The following MED13L variants were observed in gnomAD, a reference collection of about 807,000 sequenced individuals.
MED13L encodes the protein mediator complex subunit 13L, also known as mediator of RNA polymerase II transcription subunit 13-like.
Under a neutral mutation model 220.9 loss-of-function variants are expected in MED13L, and 7 were observed. That is an observed-to-expected ratio of 0.03 (90% CI 0.02 to 0.06). MED13L has a LOEUF of 0.06. Among genes scored for constraint, MED13L ranks in the 10% least tolerant of loss-of-function variants. MED13L has a pLI of 1.00. For missense variants in MED13L, 1,965 were observed against 2,760.5 expected, an observed-to-expected ratio of 0.71 and a Z score of 6.46; for synonymous variants, 1,011 against 1,015.2, an observed-to-expected ratio of 1.00 and a Z score of 0.08.
chr12:116,077,538 G>C (rs1325601599), intron 4 of MED13L, among the ~76,000 whole-genome samples: 2 of 152,158 alleles, frequency 1.3e-5, no homozygotes, highest in Non-Finnish European at 2.9e-5. Context: ...ATAAAGGAAT[G>C]GAACAATGGG....
At chr12:116,111,587 ATTT>A in intron 2 of MED13L, 75 bp from the exon 3 acceptor site, 3 of 1,159,070 alleles carry the variant, frequency 2.6e-6, no homozygotes, top group Non-Finnish European at 3.7e-6. Context: ...CTTTTAAAAC[ATTT>A]TTCTAAAGCA....
chr12:116,208,170 G>A (rs982882634), intron 2 of MED13L, among the ~76,000 whole-genome samples: 3 of 152,148 alleles, frequency 2.0e-5, no homozygotes, highest in Non-Finnish European at 2.9e-5. Flanking sequence ...CGAGACAGGA[G>A]GATCACCTGA....
chr12:116,176,165 G>T (rs189723775), intron 2 of MED13L, among the ~76,000 whole-genome samples: 39 of 152,156 alleles, frequency 2.6e-4, no homozygotes, highest in African/African-American at 8.9e-4. Context: ...AGGAATCCCA[G>T]ATCTACCACT....
chr12:116,200,532 T>C lies in MED13L; in HGVS notation c.310+36936A>G, dbSNP rs185589280. 8.5e-5 allele frequency among the ~76,000 whole-genome samples: 13 copies of C among 152,328 alleles called. No individual in the cohort carries two copies. The East Asian group carries it at 2.5e-3, about 29-fold the overall frequency. On this transcript the variant is annotated intron_variant, in intron 2 of 30. Coordinates refer to ENST00000281928, the MANE Select transcript of MED13L (RefSeq NM_015335.5). Reference sequence around the variant, plus strand: ...CATTCAATTAGCAATTGTTCAACTATTGTTGAATTACTTGACAGGGACTAT... The same window carrying C: ...CATTCAATTAGCAATTGTTCAACTACTGTTGAATTACTTGACAGGGACTAT...
chr12:116,110,497 G>A (rs1189043166), intron 3 of MED13L, among the ~76,000 whole-genome samples: 5 of 152,016 alleles, frequency 3.3e-5, no homozygotes, highest in African/African-American at 1.2e-4. Flanking sequence ...AACCATAATG[G>A]TAATAAATGA....
intron 1 of MED13L, among the ~76,000 whole-genome samples, chr12:116,274,139 A>AT (rs1346794226): frequency 1.3e-5 from 2 of 152,330 alleles, no homozygotes; most frequent in South Asian, 2.1e-4. Flanking sequence ...ACACAATGGC[A>AT]TTTTTCACAC....
rs558301977 is a variant in MED13L at position 116,232,165 on chromosome 12, T to C, written c.310+5303A>G. ...GCACAGGTGGCAGCACTCTTAAAAA[T>C]AGAAAAAGCAATATTTATGTCTCTA... On this transcript the variant is annotated intron_variant, in intron 2 of 30. Coordinates refer to ENST00000281928, the MANE Select transcript of MED13L (RefSeq NM_015335.5). 1.7e-4 allele frequency: 165 copies of C among 982,530 alleles called. No individual in the cohort carries two copies. In the Admixed American group the frequency reaches 6.1e-3, roughly 36 times the overall value. 60.9% of individuals were successfully genotyped at this position (982,530 alleles called of 1,614,324 possible).
At position 115,968,829 on chromosome 12, in the gene MED13L, A is replaced by G; in HGVS notation, c.6225+111T>C. 6 of 1,355,074 alleles carry G rather than the reference A, an allele frequency of 4.4e-6. No individual in the cohort carries two copies. The South Asian group carries it at 6.0e-5, about 14-fold the overall frequency. The allele number at this position is 1,355,074 out of a possible 1,614,324, so 83.9% of individuals were successfully genotyped here. On this transcript the variant is annotated intron_variant, in intron 28 of 30. Coordinates refer to ENST00000281928, the MANE Select transcript of MED13L (RefSeq NM_015335.5). ...CACACTTATTTCTCTTGTACCAAGG[A>G]CCCAGACCATCAAGAACTGTGCAAG...
At chr12:115,966,299 T>C in intron 28 of MED13L, 56 bp from the exon 29 acceptor site, 1 of 1,602,420 alleles carries the variant, frequency 6.2e-7, no homozygotes, top group Non-Finnish European at 8.5e-7. Context: ...GCTTGAAAAA[T>C]GAACTTTCAT....
At position 115,972,065 on chromosome 12, in the gene MED13L, A is replaced by G; in HGVS notation, c.5890+13T>C. ...TGATATGTAATTAATGACAATGACAAGAAGAAATTTACCTGGCATCACTAC... is the reference window on the plus strand; with the variant it reads ...TGATATGTAATTAATGACAATGACAGGAAGAAATTTACCTGGCATCACTAC... On this transcript the variant is annotated intron_variant, in intron 26 of 30. Transcript: ENST00000281928. 1.9e-6 allele frequency: 3 copies of G among 1,613,554 alleles called. No individual in the cohort carries two copies. Among genetic ancestry groups the G allele is most frequent in the Non-Finnish European group, 2.5e-6 (3 of 1,179,672 alleles).
intron 1 of MED13L, among the ~76,000 whole-genome samples, chr12:116,258,191 T>C (rs1381198196): frequency 6.6e-6 from 1 of 152,224 alleles, no homozygotes; most frequent in Non-Finnish European, 1.5e-5. Flanking sequence ...AATACAAATG[T>C]ACTACTGGTT....
At chr12:116,191,906 C>T (rs1309372382) in intron 2 of MED13L, among the ~76,000 whole-genome samples, 1 of 151,828 alleles carries the variant, frequency 6.6e-6, no homozygotes, top group South Asian at 2.1e-4. Flanking sequence ...TTCAAATCAC[C>T]GAGGAACTAT....
At chr12:116,071,261 CTTT>C (rs971540382) in intron 4 of MED13L, among the ~76,000 whole-genome samples, 1 of 152,110 alleles carries the variant, frequency 6.6e-6, no homozygotes, top group African/African-American at 2.4e-5. Context: ...TAAATGACTT[CTTT>C]ATCTCAATTT....
intron 2 of MED13L, among the ~76,000 whole-genome samples, chr12:116,231,228 A>G (rs1279375765): frequency 2.0e-5 from 3 of 152,214 alleles, no homozygotes; most frequent in Non-Finnish European, 4.4e-5. Flanking sequence ...TAACAATTAC[A>G]AAAGGAAAGG....
chr12:116,022,429 G>T (rs1307933865), intron 5 of MED13L, 27 bp downstream of exon 5: 1 of 1,613,000 alleles, frequency 6.2e-7, no homozygotes, highest in African/African-American at 1.3e-5. Flanking sequence ...GCGGATAGGG[G>T]TGGAGAGCAG....
In MED13L at chr12:116,071,099, C is replaced by T. The variant is rs561487752; in HGVS notation, c.479+25570G>A. ...GTTCATTGAAGAAAACTGAAAAATA[C>T]CAGGATATAGAGAAGACAACAGTTC... is the stretch of plus-strand genomic sequence containing the variant. On this transcript the variant is annotated intron_variant, in intron 4 of 30. Coordinates refer to ENST00000281928, the MANE Select transcript of MED13L (RefSeq NM_015335.5). Among the ~76,000 whole-genome samples the T allele has an allele frequency of 7.3e-5, 11 of 151,222 alleles. No individual in the cohort carries two copies. The South Asian group carries it at 2.3e-3, about 32-fold the overall frequency.
chr12:116,053,122 G>T (rs1475387330), intron 4 of MED13L, among the ~76,000 whole-genome samples: 2 of 152,038 alleles, frequency 1.3e-5, no homozygotes. Context: ...AAGAAAGCAA[G>T]AAAACCACAG....
intron 4 of MED13L, among the ~76,000 whole-genome samples, chr12:116,043,176 A>T (rs1592980405): frequency 6.6e-6 from 1 of 152,186 alleles, no homozygotes; most frequent in African/African-American, 2.4e-5. Context: ...CCATTTAATC[A>T]TGATACTCTG....
intron 16 of MED13L, among the ~76,000 whole-genome samples, chr12:115,994,927 C>T (rs892331733): frequency 6.6e-5 from 10 of 152,238 alleles, no homozygotes; most frequent in Non-Finnish European, 1.2e-4. Context: ...AAGTCCTGTG[C>T]GGGAGGCAGA....
Sources: gnomAD v4.1 joint callset for allele counts (sites outside exome capture counted in the v4.1 genomes callset) on GRCh38, gnomAD v4.1.1 for gene constraint, MANE v1.5 for transcripts, NCBI Gene and HGNC (gene_info 2026-07-23, HGNC 2026-07-21) for gene names.